PDE10A: variants seen among roughly 807,000 people sequenced by gnomAD.
PDE10A encodes the protein cAMP and cAMP-inhibited cGMP 3',5'-cyclic phosphodiesterase 10A.
In PDE10A, 39 loss-of-function variants were observed where a neutral mutation model predicts 97.7. That is an observed-to-expected ratio of 0.40 (90% CI 0.31 to 0.52). The LOEUF is 0.52. Ranked by LOEUF, PDE10A falls within the 20% of genes least tolerant of loss-of-function variation. The pLI, the probability that PDE10A is intolerant of heterozygous loss-of-function variation, is 0.56. For missense variants in PDE10A, 731 were observed against 1,047.8 expected (o/e 0.70, Z 4.17); for synonymous variants, 371 against 376.8 (o/e 0.98, Z 0.18).
At chr6:165,555,563 A>C (rs1458871546) in intron 1 of PDE10A, among the ~76,000 whole-genome samples, 1 of 152,240 alleles carries the variant, frequency 6.6e-6, no homozygotes, top group Non-Finnish European at 1.5e-5. Context: ...CTGTTAGAAA[A>C]GACCATGCTA....
intron 1 of PDE10A, among the ~76,000 whole-genome samples, chr6:165,569,394 C>T (rs1464643034): frequency 6.6e-6 from 1 of 152,142 alleles, no homozygotes; most frequent in African/African-American, 2.4e-5. Context: ...TCTTCTTTTG[C>T]ACGAGTGTTG....
At chr6:165,912,155 C>T (rs1281809863) in intron 1 of PDE10A, among the ~76,000 whole-genome samples, 1 of 151,652 alleles carries the variant, frequency 6.6e-6, no homozygotes, top group East Asian at 1.9e-4. Flanking sequence ...ATCTAACTAT[C>T]TAACTCTCTC....
intron 1 of PDE10A, among the ~76,000 whole-genome samples, chr6:165,762,616 C>T (rs2323026): frequency 0.97 from 148,101 of 152,306 alleles, 72,132 homozygotes; most frequent in East Asian, 1. Flanking sequence ...AATAGATCAC[C>T]ACAAATGAAG....
chr6:165,839,083 T>A (rs1442138678), intron 1 of PDE10A, among the ~76,000 whole-genome samples: 2 of 152,268 alleles, frequency 1.3e-5, no homozygotes, highest in African/African-American at 4.8e-5. Context: ...ATGAAAGGAA[T>A]ATTTCTAAAA....
At chr6:165,701,375 T>A (rs1043944119) in intron 1 of PDE10A, among the ~76,000 whole-genome samples, 13 of 152,220 alleles carry the variant, frequency 8.5e-5, no homozygotes, top group African/African-American at 3.1e-4. Flanking sequence ...TCTTTATGAT[T>A]TTTCAAGAGA....
intron 1 of PDE10A, among the ~76,000 whole-genome samples, chr6:165,724,234 G>C (rs1469319774): frequency 2.0e-5 from 3 of 152,184 alleles, no homozygotes; most frequent in South Asian, 2.1e-4. Flanking sequence ...ATTTGGAAAA[G>C]ACAGTAGAAG....
intron 1 of PDE10A, among the ~76,000 whole-genome samples, chr6:165,888,765 T>A (rs1781700492): frequency 6.6e-6 from 1 of 152,210 alleles, no homozygotes; most frequent in African/African-American, 2.4e-5. Context: ...GTGAGAGTTA[T>A]GGAGGATAGA....
chr6:165,462,549 G>A (rs893520507), intron 3 of PDE10A, among the ~76,000 whole-genome samples: 12 of 152,174 alleles, frequency 7.9e-5, no homozygotes, highest in African/African-American at 2.2e-4. Flanking sequence ...GCCAGATGCC[G>A]AGGAAGAGAT....
rs556930496 is a variant in PDE10A at position 165,523,251 on chromosome 6, C to T, written c.994+20189G>A. On this transcript the variant is annotated intron_variant, in intron 2 of 21. Transcript: ENST00000539869. ...ATCAAACTATCAACGTCATTTTTCA[C>T]AGAATTAGAAAAAACTATTCTAAAA... is the stretch of plus-strand genomic sequence containing the variant. 4.3e-4 allele frequency among the ~76,000 whole-genome samples: 66 copies of T among 152,250 alleles called. 1 individual carries two copies. In the South Asian group the frequency reaches 0.013, roughly 31 times the overall value.
chr6:165,982,727 T>C (rs1480741726), intron 1 of PDE10A, among the ~76,000 whole-genome samples: 1 of 152,224 alleles, frequency 6.6e-6, no homozygotes, highest in Admixed American at 6.5e-5. Context: ...TACTTTCTTA[T>C]TAGTTATAAG....
chr6:165,464,931 T>C (rs2128263327), intron 3 of PDE10A, among the ~76,000 whole-genome samples: 1 of 152,364 alleles, frequency 6.6e-6, no homozygotes, highest in African/African-American at 2.4e-5. Context: ...GATGTTTGTT[T>C]CCAGTTTTGA....
At chr6:165,800,496 G>A (rs968168473) in intron 1 of PDE10A, among the ~76,000 whole-genome samples, 1 of 152,146 alleles carries the variant, frequency 6.6e-6, no homozygotes, top group Non-Finnish European at 1.5e-5. Context: ...AGTACATCAG[G>A]CCGAGTGCCA....
chr6:165,402,821 G>C (rs1008649486), intron 13 of PDE10A, among the ~76,000 whole-genome samples: 1 of 152,060 alleles, frequency 6.6e-6, no homozygotes, highest in African/African-American at 2.4e-5. Flanking sequence ...TATTTAATTA[G>C]TGATTATTTA....
chr6:165,554,798 A>G (rs1784171770), intron 1 of PDE10A, among the ~76,000 whole-genome samples: 1 of 152,210 alleles, frequency 6.6e-6, no homozygotes. Context: ...GGATAAAGAA[A>G]ATGTGGTATA....
chr6:165,916,950 G>A (rs1317467261), intron 1 of PDE10A, among the ~76,000 whole-genome samples: 1 of 152,116 alleles, frequency 6.6e-6, no homozygotes, highest in Non-Finnish European at 1.5e-5. Flanking sequence ...CTGTGTTGGA[G>A]GCAGCAGAAT....
intron 1 of PDE10A, among the ~76,000 whole-genome samples, chr6:165,607,673 A>T (rs759203344): frequency 1.3e-5 from 2 of 152,246 alleles, no homozygotes; most frequent in Non-Finnish European, 2.9e-5. Flanking sequence ...GACGCTGGGC[A>T]GCTGCAGCGT....
intron 5 of PDE10A, among the ~76,000 whole-genome samples, chr6:165,440,638 G>T (rs1790373327): frequency 6.6e-6 from 1 of 152,006 alleles, no homozygotes; most frequent in Non-Finnish European, 1.5e-5. Context: ...AAAATGAAAA[G>T]ATTAGATTAA....
chr6:165,436,416 C>G (rs1790020356), intron 5 of PDE10A, among the ~76,000 whole-genome samples: 1 of 152,042 alleles, frequency 6.6e-6, no homozygotes. Context: ...AGAGAATGAA[C>G]CCCATTAACT....
chr6:165,349,830 G>A (rs954723564), intron 18 of PDE10A, among the ~76,000 whole-genome samples: 1 of 152,212 alleles, frequency 6.6e-6, no homozygotes, highest in Non-Finnish European at 1.5e-5. Flanking sequence ...ATTTTACTGG[G>A]TGCAAGCCCC....
Sources: gnomAD v4.1 joint callset for allele counts (sites outside exome capture counted in the v4.1 genomes callset) on GRCh38, gnomAD v4.1.1 for gene constraint, MANE v1.5 for transcripts, NCBI Gene and HGNC (gene_info 2026-07-23, HGNC 2026-07-21) for gene names.